The following SFSWAP variants were observed in gnomAD, a reference collection of about 807,000 sequenced individuals.
SFSWAP encodes the protein splicing factor SWAP, also known as splicing factor, suppressor of white-apricot homolog.
SFSWAP carries 17 observed loss-of-function variants against 100.7 expected under a neutral mutation model. That is an observed-to-expected ratio of 0.17 (90% CI 0.12 to 0.25). The LOEUF (loss-of-function observed/expected upper bound fraction) is 0.25. Ranked by LOEUF, SFSWAP falls within the 10% of genes least tolerant of loss-of-function variation. The pLI is 1.00. For missense variants in SFSWAP, 1,005 were observed against 1,262.6 expected (o/e 0.80, Z 3.09); for synonymous variants, 504 against 510.1 (o/e 0.99, Z 0.16).
intron 14 of SFSWAP, chr12:131,785,091 G>C (rs1345329879): frequency 6.5e-7 from 1 of 1,535,368 alleles, no homozygotes; most frequent in Non-Finnish European, 8.7e-7. Flanking sequence ...CCTCCCCAGG[G>C]ACGCTGCGCG....
At chr12:131,795,995 G>T (rs1296519825) in intron 15 of SFSWAP, 1 of 49,626 alleles carries the variant, frequency 2.0e-5, no homozygotes, top group African/African-American at 8.9e-5. Flanking sequence ...GGGGAGGGGA[G>T]AGGGGGAGGG....
chr12:131,733,938 C>T lies in SFSWAP; in HGVS notation c.1081+5510C>T, dbSNP rs867823027. Among the ~76,000 whole-genome samples, 2 of 152,334 alleles carry T rather than the reference C, an allele frequency of 1.3e-5. No homozygotes were observed. Among genetic ancestry groups the T allele is most frequent in the African/African-American group, 4.8e-5 (2 of 41,576 alleles). ...AGATACAGACAAGACCCCAAACACA[C>T]ACATGGGAGCCCTGAGCCCACCCTG... On this transcript the variant is annotated intron_variant, in intron 7 of 17. Coordinates refer to ENST00000261674, the MANE Select transcript of SFSWAP (RefSeq NM_004592.4). The surrounding 1 kb of genome is among the most constrained non-coding windows in gnomAD (Gnocchi z 5.1).
At position 131,732,831 on chromosome 12, in the gene SFSWAP, A is replaced by G. The variant is rs150981009; in HGVS notation, c.1081+4403A>G. On this transcript the variant is annotated intron_variant, in intron 7 of 17. Coordinates refer to ENST00000261674, the MANE Select transcript of SFSWAP (RefSeq NM_004592.4). ...TAAATTGTGGGCTTTGCACTTGGGA[A>G]GTACTCTAGTAGGATACTAGAGAGA... Among the ~76,000 whole-genome samples, 1,076 of 152,376 alleles carry G rather than the reference A, an allele frequency of 7.1e-3. 11 individuals are homozygous for G. The highest frequency in any genetic ancestry group is 0.054 in the Middle Eastern group (16 of 294).
At chr12:131,780,994 T>C (rs1884456126) in intron 14 of SFSWAP, among the ~76,000 whole-genome samples, 1 of 152,194 alleles carries the variant, frequency 6.6e-6, no homozygotes, top group Non-Finnish European at 1.5e-5. Context: ...AGACAGGTGA[T>C]GCCGTGGCCC....
At chr12:131,726,789 G>A (rs2136189171) in intron 5 of SFSWAP, 151 bp from the exon 6 acceptor site, 2 of 597,360 alleles carry the variant, frequency 3.3e-6, no homozygotes, top group Non-Finnish European at 5.8e-6. Context: ...CCTTCTTCTG[G>A]ACAACTTGGG....
At chr12:131,777,872 A>G (rs183406490) in intron 13 of SFSWAP, among the ~76,000 whole-genome samples, 193 bp from the exon 14 acceptor site, 19 of 152,326 alleles carry the variant, frequency 1.2e-4, no homozygotes, top group Non-Finnish European at 1.9e-4. Flanking sequence ...CTCGGGAACC[A>G]GAGGGTTCAC....
chr12:131,718,198 T>TATACAAA (rs1419499866), intron 3 of SFSWAP, among the ~76,000 whole-genome samples: 2 of 152,260 alleles, frequency 1.3e-5, no homozygotes, highest in African/African-American at 4.8e-5. Context: ...GGAAACCTGC[T>TATACAAA]TAAAATTCTT....
At chr12:131,737,932 T>C (rs1403548368) in intron 7 of SFSWAP, among the ~76,000 whole-genome samples, 1 of 152,192 alleles carries the variant, frequency 6.6e-6, no homozygotes, top group Non-Finnish European at 1.5e-5. Flanking sequence ...TCATGCTCTT[T>C]ATTTTTCATT....
rs978967221 is a variant in SFSWAP, at chr12:131,778,669, C to G, written c.2408+339C>G. ...AGTAGCTGGGATTACAGGTGCCCAC[C>G]ACCACGCCTGGCTAATTTTTGTATT... On this transcript the variant is annotated intron_variant, in intron 14 of 17. Transcript: ENST00000261674. This position sits in a 1 kb window ranked among gnomAD's most constrained non-coding sequence, Gnocchi z 4.2. Among the ~76,000 whole-genome samples, 1 of 152,124 alleles carries G rather than the reference C, an allele frequency of 6.6e-6. No homozygotes were observed. The highest frequency in any genetic ancestry group is 1.5e-5 in the Non-Finnish European group (1 of 68,024).
chr12:131,798,022 C>CT (rs1885803880), intron 16 of SFSWAP, among the ~76,000 whole-genome samples: 1 of 152,208 alleles, frequency 6.6e-6, no homozygotes, highest in African/African-American at 2.4e-5. Flanking sequence ...GGATTAGAAT[C>CT]TAAGAGGTGG....
At chr12:131,766,505 T>G (rs1311915281) in intron 13 of SFSWAP, among the ~76,000 whole-genome samples, 197 bp downstream of exon 13, 2 of 152,202 alleles carry the variant, frequency 1.3e-5, no homozygotes, top group Admixed American at 1.3e-4. Flanking sequence ...CCCCCGTCAG[T>G]GCACAGTCAC....
chr12:131,712,135 T>C (rs1053423246), intron 1 of SFSWAP: 2 of 152,542 alleles, frequency 1.3e-5, no homozygotes, highest in Non-Finnish European at 2.9e-5. Flanking sequence ...GAAGAGATAG[T>C]GTTCTTAGGG....
rs878887408 is a variant in SFSWAP at position 131,719,449 on chromosome 12, T to C, written c.521-5T>C. 6 of 1,613,184 alleles carry C rather than the reference T, an allele frequency of 3.7e-6. No homozygotes were observed. The highest frequency in any genetic ancestry group is 5.1e-6 in the Non-Finnish European group (6 of 1,179,166). On this transcript the variant is annotated splice_region_variant and splice_polypyrimidine_tract_variant and intron_variant, in intron 3 of 17. Coordinates refer to ENST00000261674, the MANE Select transcript of SFSWAP (RefSeq NM_004592.4). ...TCTGAATTTTTTAATTTTCTTTTTA[T>C]GCAGAAAAAAATGAGGCCGAAAATT...
At position 131,711,352 on chromosome 12, in the gene SFSWAP, C is replaced by T. The variant is rs1877312872; in HGVS notation, c.123C>T (p.Ala41=). The stretch of plus-strand genomic sequence containing the variant: ...TGGAGCTCTTGGTTTTCGGCTATGC[C>T]TGCAAGCTGTTCCGGGACGACGAGC... The part of the protein sequence containing the change: ...SRVELLVFGY[A]CKLFRDDERA... The change falls in exon 1 of 18, where the codon GCC becomes GCT. Residue 41 remains alanine (A), a synonymous_variant. Transcript: ENST00000261674. This position sits in a 1 kb window ranked among gnomAD's most constrained non-coding sequence, Gnocchi z 4.9. 6.2e-7 allele frequency: 1 copy of T among 1,614,026 alleles called. No individual in the cohort carries two copies. The highest frequency in any genetic ancestry group is 8.5e-7 in the Non-Finnish European group (1 of 1,180,038).
chr12:131,777,605 C>T (rs1049762896), intron 13 of SFSWAP, among the ~76,000 whole-genome samples: 3 of 152,162 alleles, frequency 2.0e-5, no homozygotes, highest in Non-Finnish European at 2.9e-5. Context: ...AATAAACATA[C>T]GTGTGCATGT....
intron 13 of SFSWAP, among the ~76,000 whole-genome samples, chr12:131,775,872 T>C (rs1883980643): frequency 6.6e-6 from 1 of 151,832 alleles, no homozygotes; most frequent in African/African-American, 2.4e-5. Context: ...TGCAGTTCAC[T>C]TGAGGCCAGG....
chr12:131,766,300 A>G lies in SFSWAP; in HGVS notation c.2134A>G (p.Ser712Gly). The G allele has an allele frequency of 1.2e-6, 2 of 1,614,024 alleles. No individual in the cohort carries two copies. The highest frequency in any genetic ancestry group is 1.7e-6 in the Non-Finnish European group (2 of 1,179,956). The change falls in exon 13 of 18, where the codon AGT becomes GGT. Residue 712 changes from serine to glycine, a missense_variant. This residue lies in a region of SFSWAP where 295 missense variants were observed against 347.9 expected (regional missense o/e 0.85). Coordinates refer to ENST00000261674, the MANE Select transcript of SFSWAP (RefSeq NM_004592.4). Reference sequence around the variant, plus strand: ...TGGGAAAATTGAGGAGAGTCCTTTCAGTGTCGAGGTATAGTAAAATCCCAC... The same window carrying G: ...TGGGAAAATTGAGGAGAGTCCTTTCGGTGTCGAGGTATAGTAAAATCCCAC... ...EAGKIEESPF[S>G]VEESSTTPCP... is the part of the protein sequence containing the mutation.
chr12:131,745,721 C>T (rs1881040260), intron 7 of SFSWAP, among the ~76,000 whole-genome samples: 1 of 149,364 alleles, frequency 6.7e-6, no homozygotes, highest in Non-Finnish European at 1.5e-5. Flanking sequence ...CAGGGATCTG[C>T]ATCTTCAGAT....
intron 7 of SFSWAP, among the ~76,000 whole-genome samples, chr12:131,737,518 G>A (rs1008918932): frequency 6.6e-6 from 1 of 152,138 alleles, no homozygotes; most frequent in Non-Finnish European, 1.5e-5. Flanking sequence ...TTAATAATAC[G>A]TGCTTTTATC....
Sources: gnomAD v4.1 joint callset for allele counts (sites outside exome capture counted in the v4.1 genomes callset) on GRCh38, gnomAD v4.1.1 for gene constraint, gnomAD v4.1.1 regional missense constraint, Gnocchi (gnomAD v3.1) non-coding constraint, MANE v1.5 for transcripts, NCBI Gene and HGNC (gene_info 2026-07-23, HGNC 2026-07-21) for gene names.